ALOXE3: variants seen among roughly 807,000 people sequenced by gnomAD.
The protein encoded by ALOXE3 is arachidonate epidermal lipoxygenase 3, also known as hydroperoxide isomerase ALOXE3.
A neutral mutation model predicts 87.5 loss-of-function variants in ALOXE3; 78 were observed. The ratio of observed to expected loss-of-function variants is 0.89; its 90% CI spans 0.74 to 1.08. ALOXE3 has a LOEUF of 1.08. Ranked by LOEUF, ALOXE3 falls within the 50% of genes least tolerant of loss-of-function variation. ALOXE3 has a pLI of 0.00. For missense variants in ALOXE3, 946 were observed against 912.4 expected (o/e 1.04, Z -0.47); for synonymous variants, 363 against 370.8 (o/e 0.98, Z 0.24).
At chr17:8,109,515 C>G (rs1047969445) in intron 11 of ALOXE3, among the ~76,000 whole-genome samples, 172 bp from the exon 12 acceptor site, 5 of 152,224 alleles carry the variant, frequency 3.3e-5, no homozygotes, top group Admixed American at 2.6e-4. Flanking sequence ...CAGCTTGACG[C>G]CCCATTACGT....
rs761963753 is a variant in ALOXE3 at position 8,109,939 on chromosome 17, T to A, written c.1369A>T (p.Asn457Tyr). Reference protein sequence around the residue: ...VNTIARATLLNPEGLVDQVTS... With the variant: ...VNTIARATLLYPEGLVDQVTS... ...ACCTGGTCCACGAGGCCCTCGGGGT[T>A]GAGCAGCGTGGCCCTCGCGATGGTG... Residue 457 changes from asparagine to tyrosine, a missense_variant, in exon 11 of 16, where the codon AAC (asparagine) becomes TAC (tyrosine). Coordinates refer to ENST00000448843, the MANE Select transcript of ALOXE3 (RefSeq NM_021628.3). 7.1e-6 allele frequency: 11 copies of A among 1,551,124 alleles called. No homozygotes were observed. The highest frequency in any genetic ancestry group is 1.7e-4 in the Middle Eastern group (1 of 5,990).
Position 8,113,450 on chromosome 17 carries a change from C to T in ALOXE3, c.680+1034G>A, listed in dbSNP as rs933898974. Among the ~76,000 whole-genome samples, 14 of 151,276 alleles carry T rather than the reference C, an allele frequency of 9.3e-5. No individual in the cohort carries two copies. The East Asian group carries it at 9.8e-4, about 11-fold the overall frequency. The stretch of plus-strand genomic sequence containing the variant: ...GGCCGATCACCTGAGGTCAGGAGTT[C>T]GAGACCAGCCTGGCCAACATGGTGA... On this transcript the variant is annotated intron_variant, in intron 6 of 15. Coordinates refer to ENST00000448843, the MANE Select transcript of ALOXE3 (RefSeq NM_021628.3).
chr17:8,099,215 C>G (rs555759877), intron 15 of ALOXE3, among the ~76,000 whole-genome samples: 2 of 152,170 alleles, frequency 1.3e-5, no homozygotes, highest in Admixed American at 1.3e-4. Flanking sequence ...TGAACCATCG[C>G]AACCATACAT....
chr17:8,107,991 AAAGG>A (rs1555647100), intron 13 of ALOXE3, among the ~76,000 whole-genome samples: 1 of 16,220 alleles, frequency 6.2e-5, no homozygotes, highest in African/African-American at 2.0e-4. Context: ...AGAAAGAAAG[AAAGG>A]AAGGAAAGAA....
intron 1 of ALOXE3, 42 bp downstream of exon 1, chr17:8,118,444 T>A (rs1470337423): frequency 6.5e-7 from 1 of 1,550,386 alleles, no homozygotes; most frequent in East Asian, 2.4e-5. Context: ...TCCCCCAAGA[T>A]CTGTTCCTCC....
chr17:8,108,003 GAAAGAAAGAAA>G (rs1979626395), intron 13 of ALOXE3, among the ~76,000 whole-genome samples: 1 of 38,088 alleles, frequency 2.6e-5, no homozygotes, highest in Non-Finnish European at 5.7e-5. Context: ...AGGAAGGAAA[GAAAGAAAGAAA>G]GAAAGAAAGA....
chr17:8,100,644 T>C (rs1978865756), intron 15 of ALOXE3, among the ~76,000 whole-genome samples: 1 of 152,232 alleles, frequency 6.6e-6, no homozygotes, highest in Non-Finnish European at 1.5e-5. Context: ...GGTCTTGTTA[T>C]GTGGCCCAGG....
chr17:8,096,493 A>C lies in ALOXE3; in HGVS notation c.*134T>G. The C allele has an allele frequency of 1.4e-6, 1 of 714,076 alleles. No homozygotes were observed. The highest frequency in any genetic ancestry group is 2.6e-6 in the Non-Finnish European group (1 of 387,616). The allele number at this position is 714,076 out of a possible 1,614,324, so 44.2% of individuals were successfully genotyped here. Reference sequence around the variant, plus strand: ...ATGATGTCAGAGCCATCTTGGCTGCAAAAGTCTCCATGTGCAGAAGAGAAG... The same window carrying C: ...ATGATGTCAGAGCCATCTTGGCTGCCAAAGTCTCCATGTGCAGAAGAGAAG... On this transcript the variant is annotated 3_prime_UTR_variant, in exon 16 of 16. Transcript: ENST00000448843.
Position 8,117,908 on chromosome 17 carries a change from C to T in ALOXE3, c.83G>A (p.Gly28Asp), listed in dbSNP as rs756295748. ...TLDNISVTLV[G>D]TCGESPKQRL... ...CTGCTTGGGGCTTTCACCACACGTG[C>T]CCACCAGTGTGACAGAGATGTTGTC... is the stretch of plus-strand genomic sequence containing the variant. Residue 28 changes from glycine (G) to aspartate (D), a missense_variant, in exon 2 of 16, where the codon GGC becomes GAC. Physicochemically the swap from Gly to Asp is moderately conservative, Grantham distance 94. Transcript: ENST00000448843. 1.9e-6 allele frequency: 3 copies of T among 1,612,186 alleles called. No homozygotes were observed. The South Asian group carries it at 3.3e-5, about 18-fold the overall frequency.
At chr17:8,107,998 GGAAA>G (rs1222861475) in intron 13 of ALOXE3, among the ~76,000 whole-genome samples, 949 of 6,542 alleles carry the variant, frequency 0.15, 216 homozygotes, top group Admixed American at 0.18. Context: ...AAGAAAGGAA[GGAAA>G]GAAAGAAAGA....
In ALOXE3 at chr17:8,112,097, C is replaced by A. The variant is rs148293767; in HGVS notation, c.780G>T (p.Thr260=). 256 of 1,613,812 alleles carry A rather than the reference C, an allele frequency of 1.6e-4. 1 individual carries two copies. The African/African-American group carries it at 2.8e-3, about 18-fold the overall frequency. Residue 260 remains threonine, a synonymous_variant, in exon 7 of 16, where the codon ACG becomes ACT. Transcript: ENST00000448843. ...QNIFWCHKTF[T]TKYVTEHWCE... is the part of the protein sequence containing the mutation. ...CTCCTGCCTGGCTCTGCTCACTTGT[C>A]GTGAAGGTCTTATGGCACCAGAAGA...
rs1353195429 is a variant in ALOXE3, at chr17:8,111,375, A to C, written c.941T>G (p.Leu314Arg). Residue 314 changes from leucine (L) to arginine (R), a missense_variant, in exon 8 of 16, where the codon CTG becomes CGG. Coordinates refer to ENST00000448843, the MANE Select transcript of ALOXE3 (RefSeq NM_021628.3). ...CTTACCCACCTCTAGCTCTGTCTGC[A>C]GGCATGTGTCCTGTCCCAGCAAGGG... ...VAPLLGQDTCLQTELERGNIF... is the reference protein window; with the variant it reads ...VAPLLGQDTCRQTELERGNIF... 1 of 1,613,286 alleles carries C rather than the reference A, an allele frequency of 6.2e-7. No individual in the cohort carries two copies. The highest frequency in any genetic ancestry group is 1.7e-5 in the Admixed American group (1 of 60,004).
chr17:8,117,170 T>C (rs1178861118), intron 2 of ALOXE3, among the ~76,000 whole-genome samples, 190 bp from the exon 3 acceptor site: 2 of 152,244 alleles, frequency 1.3e-5, no homozygotes, highest in Non-Finnish European at 2.9e-5. Context: ...ACGCCTGTAA[T>C]CCTAACACTT....
Position 8,117,855 on chromosome 17 carries a change from C to A in ALOXE3, c.136G>T (p.Ala46Ser), listed in dbSNP as rs750325359. Residue 46 changes from alanine (A) to serine (S), a missense_variant, in exon 2 of 16, where the codon GCC (alanine) becomes TCC (serine). Transcript: ENST00000448843. ...TCCTTTGTACTCACCGATCCAGGGGCGAAGTCCCTGCCCATTCGATCTAGC... is the reference window on the plus strand; with the variant it reads ...TCCTTTGTACTCACCGATCCAGGGGAGAAGTCCCTGCCCATTCGATCTAGC... ...QRLDRMGRDF[A>S]PGSVQKYKVR... 6.2e-7 allele frequency: 1 copy of A among 1,610,944 alleles called. No individual in the cohort carries two copies. The highest frequency in any genetic ancestry group is 8.5e-7 in the Non-Finnish European group (1 of 1,179,500).
chr17:8,118,001 A>C lies in ALOXE3; in HGVS notation c.-11T>G, dbSNP rs202235772. The C allele has an allele frequency of 6.2e-7, 1 of 1,609,846 alleles. No individual in the cohort carries two copies. The highest frequency in any genetic ancestry group is 1.3e-5 in the African/African-American group (1 of 74,980). ...GCGGTACACTGCCATGATGGGAAGG[A>C]GGAAGGGATGCCCCGGCAACGCTGG... On this transcript the variant is annotated 5_prime_UTR_variant, in exon 2 of 16. Transcript: ENST00000448843.
chr17:8,118,825 A>G, upstream of ALOXE3: 4 of 1,536,172 alleles, frequency 2.6e-6, 1 homozygote, highest in South Asian at 4.8e-5. Context: ...CCTGGGCGGG[A>G]GCCCAGGTGT....
intron 15 of ALOXE3, among the ~76,000 whole-genome samples, chr17:8,100,081 A>C (rs1363217388): frequency 6.6e-6 from 1 of 151,136 alleles, no homozygotes; most frequent in Non-Finnish European, 1.5e-5. Flanking sequence ...TTTTTCAGAC[A>C]ACCTGACCCT....
chr17:8,115,543 C>T, intron 4 of ALOXE3, 64 bp downstream of exon 4: 1 of 1,512,716 alleles, frequency 6.6e-7, no homozygotes, highest in Non-Finnish European at 9.2e-7. Context: ...GAGTTAGGAA[C>T]AATCTGATTA....
At chr17:8,104,033 C>A (rs78620413) in intron 14 of ALOXE3, 82 bp downstream of exon 14, 8 of 1,256,194 alleles carry the variant, frequency 6.4e-6, no homozygotes, top group Non-Finnish European at 9.1e-6. Flanking sequence ...AACGCTGACC[C>A]ACCCAAGCTC....
Sources: gnomAD v4.1 joint callset for allele counts (sites outside exome capture counted in the v4.1 genomes callset) on GRCh38, gnomAD v4.1.1 for gene constraint, MANE v1.5 for transcripts, NCBI Gene and HGNC (gene_info 2026-07-23, HGNC 2026-07-21) for gene names.